The following WDR7 variants were observed in gnomAD, a reference collection of about 807,000 sequenced individuals.
The protein encoded by WDR7 is WD repeat domain 7, also known as WD repeat-containing protein 7.
WDR7 carries 46 observed loss-of-function variants against 169.4 expected under a neutral mutation model. The ratio of observed to expected loss-of-function variants is 0.27; its 90% CI spans 0.21 to 0.35. The LOEUF (loss-of-function observed/expected upper bound fraction) is 0.35, where lower values mean the gene tolerates loss of function less well. Ranked by LOEUF, WDR7 falls within the 10% of genes least tolerant of loss-of-function variation. The pLI is 1.00. For synonymous variants in WDR7, 612 were observed against 666.8 expected (o/e 0.92, Z 1.27); for missense variants, 1,534 against 1,859.3 (o/e 0.83, Z 3.22).
At position 57,027,537 on chromosome 18, in the gene WDR7, A is replaced by C; in HGVS notation, c.*330A>C. The C allele has an allele frequency of 2.9e-6, 1 of 350,872 alleles. No individual in the cohort carries two copies. The highest frequency in any genetic ancestry group is 5.3e-6 in the Non-Finnish European group (1 of 189,336). The allele number at this position is 350,872 out of a possible 1,614,324, so 21.7% of individuals were successfully genotyped here. A position where few individuals can be genotyped will look rare whatever the true frequency, so the allele number is the denominator to read the frequency against. ...GCAACAGAAGCACAAAAATCAATAAACACTGTGATTGCACTCCCAGCCCAG... is the reference window on the plus strand; with the variant it reads ...GCAACAGAAGCACAAAAATCAATAACCACTGTGATTGCACTCCCAGCCCAG... On this transcript the variant is annotated 3_prime_UTR_variant, in exon 28 of 28. Transcript: ENST00000254442.
intron 12 of WDR7, among the ~76,000 whole-genome samples, chr18:56,697,666 T>C (rs1209392005): frequency 6.6e-6 from 1 of 152,186 alleles, no homozygotes; most frequent in Non-Finnish European, 1.5e-5. Context: ...CTTCATTTTA[T>C]AGTAGTTATG....
intron 26 of WDR7, among the ~76,000 whole-genome samples, chr18:56,976,555 C>A (rs2047568301): frequency 6.6e-6 from 1 of 152,164 alleles, no homozygotes; most frequent in African/African-American, 2.4e-5. Context: ...TTCTCAGAAA[C>A]CCGAGTCTAT....
chr18:56,907,768 C>T lies in WDR7; in HGVS notation c.3527-16154C>T, dbSNP rs549795067. On this transcript the variant is annotated intron_variant, in intron 21 of 27. Coordinates refer to ENST00000254442, the MANE Select transcript of WDR7 (RefSeq NM_015285.3). Reference sequence around the variant, plus strand: ...TGGATGGTGCCTTCTTCCTGAGAGTCCTCACTTGGTAGAAAGGGTGAACAA... The same window carrying T: ...TGGATGGTGCCTTCTTCCTGAGAGTTCTCACTTGGTAGAAAGGGTGAACAA... Among the ~76,000 whole-genome samples the T allele has an allele frequency of 3.3e-5, 5 of 152,172 alleles. No individual in the cohort carries two copies. The East Asian group carries it at 9.7e-4, about 29-fold the overall frequency.
chr18:56,668,315 C>A (rs138883524), intron 1 of WDR7, among the ~76,000 whole-genome samples: 1 of 152,260 alleles, frequency 6.6e-6, no homozygotes, highest in African/African-American at 2.4e-5. Flanking sequence ...GAGATTACAC[C>A]TCTGGCCCTT....
At chr18:56,739,246 C>T (rs567477289) in intron 14 of WDR7, among the ~76,000 whole-genome samples, 1 of 151,958 alleles carries the variant, frequency 6.6e-6, no homozygotes, top group South Asian at 2.1e-4. Context: ...ATTTTACTTT[C>T]CCCTTCTTAT....
chr18:56,868,840 T>A (rs538557613), intron 20 of WDR7, among the ~76,000 whole-genome samples: 1 of 152,270 alleles, frequency 6.6e-6, no homozygotes, highest in East Asian at 1.9e-4. Context: ...GCAAAAAAGT[T>A]AGACGTTTTT....
At chr18:56,716,825 A>T (rs971577833) in intron 12 of WDR7, among the ~76,000 whole-genome samples, 7 of 152,206 alleles carry the variant, frequency 4.6e-5, no homozygotes, top group African/African-American at 1.7e-4. Context: ...TGTGGTTAAA[A>T]ACAACAGCTA....
rs140489053 is a variant in WDR7 at position 56,729,175 on chromosome 18, G to C, written c.1775-2208G>C. Among the ~76,000 whole-genome samples the C allele has an allele frequency of 2.5e-3, 388 of 152,194 alleles. 3 individuals are homozygous for C. The East Asian group carries it at 0.032, about 12-fold the overall frequency. On this transcript the variant is annotated intron_variant, in intron 13 of 27. Coordinates refer to ENST00000254442, the MANE Select transcript of WDR7 (RefSeq NM_015285.3). ...ATAACTACAAACTACATTTAATGGA[G>C]AATTAAGAGCTAGAGCAGTAAATTC...
intron 26 of WDR7, among the ~76,000 whole-genome samples, chr18:57,015,942 C>T (rs913688133): frequency 6.6e-6 from 1 of 152,242 alleles, no homozygotes; most frequent in African/African-American, 2.4e-5. Flanking sequence ...CATTCAGGCT[C>T]ACCCTAAAGT....
chr18:56,795,897 T>C (rs2044576613), intron 19 of WDR7, among the ~76,000 whole-genome samples: 1 of 152,240 alleles, frequency 6.6e-6, no homozygotes, highest in Admixed American at 6.5e-5. Context: ...CACAGTTACA[T>C]TCATTTGTTT....
In WDR7 at chr18:56,968,130, G is replaced by A. The variant is rs541600786; in HGVS notation, c.4164+5601G>A. On this transcript the variant is annotated intron_variant, in intron 26 of 27. Coordinates refer to ENST00000254442, the MANE Select transcript of WDR7 (RefSeq NM_015285.3). ...GGGCTACCAAAAAAAAAAAAGCAAT[G>A]ATGTATAGAGAAAGAAAGTGTAGCT... is the stretch of plus-strand genomic sequence containing the variant. 1.3e-5 allele frequency among the ~76,000 whole-genome samples: 2 copies of A among 150,828 alleles called. 1 individual carries two copies. Among genetic ancestry groups the A allele is most frequent in the South Asian group, 4.2e-4 (2 of 4,766 alleles).
At chr18:56,714,471 G>A (rs538944374) in intron 12 of WDR7, among the ~76,000 whole-genome samples, 1 of 144,456 alleles carries the variant, frequency 6.9e-6, no homozygotes, top group Non-Finnish European at 1.5e-5. Context: ...TTGAGATGGA[G>A]TCTCACTCCG....
Position 56,942,281 on chromosome 18 carries a change from C to CT in WDR7, c.4064+2892dup, listed in dbSNP as rs527867929. 1.6e-3 allele frequency among the ~76,000 whole-genome samples: 247 copies of CT among 152,056 alleles called. 1 individual carries two copies. The highest frequency in any genetic ancestry group is 2.9e-3 in the Non-Finnish European group (200 of 67,978). On this transcript the variant is annotated intron_variant, in intron 25 of 27. Transcript: ENST00000254442. ...CCATGACACAAAATGGCGAGGTGTT[C>CT]TTTTGGGGGAGGGAATTTTAGCATT... is the stretch of plus-strand genomic sequence containing the variant.
chr18:56,797,118 C>T (rs1226539432), intron 19 of WDR7, among the ~76,000 whole-genome samples: 1 of 152,174 alleles, frequency 6.6e-6, no homozygotes, highest in Non-Finnish European at 1.5e-5. Flanking sequence ...AGAGATTAGA[C>T]AGACTCATGA....
intron 1 of WDR7, among the ~76,000 whole-genome samples, chr18:56,660,193 T>C (rs533146503): frequency 3.3e-5 from 5 of 152,106 alleles, no homozygotes; most frequent in Non-Finnish European, 7.4e-5. Flanking sequence ...AGGGGCACCA[T>C]TGAGGAATGA....
intron 4 of WDR7, 142 bp downstream of exon 4, chr18:56,681,533 A>G (rs776946502): frequency 9.5e-6 from 5 of 526,320 alleles, no homozygotes; most frequent in Non-Finnish European, 9.5e-6. Context: ...TTGAAGCGGT[A>G]AAAGTGTTCC....
chr18:56,884,962 C>G (rs2046165900), intron 21 of WDR7, among the ~76,000 whole-genome samples: 1 of 152,222 alleles, frequency 6.6e-6, no homozygotes, highest in African/African-American at 2.4e-5. Flanking sequence ...GTTCACATCA[C>G]AGGTCTCTGT....
chr18:56,739,761 G>C (rs1046638225), intron 14 of WDR7, among the ~76,000 whole-genome samples: 2 of 151,746 alleles, frequency 1.3e-5, no homozygotes, highest in Non-Finnish European at 2.9e-5. Context: ...CTTTTTTTGG[G>C]GGGGGGAATA....
chr18:56,682,541 G>T, intron 4 of WDR7, 138 bp from the exon 5 acceptor site: 1 of 898,634 alleles, frequency 1.1e-6, no homozygotes, highest in Non-Finnish European at 1.7e-6. Context: ...TGTACCATTT[G>T]GTAAATATCT....
Sources: allele counts gnomAD v4.1 joint callset (sites outside exome capture counted in the v4.1 genomes callset), GRCh38; gene constraint gnomAD v4.1.1; transcripts MANE v1.5; gene names NCBI Gene and HGNC (gene_info 2026-07-23, HGNC 2026-07-21).